The following KAZN variants were observed in gnomAD, a reference collection of about 807,000 sequenced individuals.
The protein encoded by KAZN is kazrin.
Under a neutral mutation model 87.4 loss-of-function variants are expected in KAZN, and 40 were observed. That is an observed-to-expected ratio of 0.46 (90% confidence interval 0.36 to 0.60). The LOEUF is 0.60. Among genes scored for constraint, KAZN ranks in the 20% least tolerant of loss-of-function variants. The probability of loss-of-function intolerance (pLI) is 0.00; values close to 1 mark genes in which losing one functional copy is unlikely to be tolerated. For synonymous variants in KAZN, 466 were observed against 458.3 expected, an observed-to-expected ratio of 1.02 and a Z score of -0.22; for missense variants, 898 against 1,073.9, an observed-to-expected ratio of 0.84 and a Z score of 2.29.
intron 1 of KAZN, among the ~76,000 whole-genome samples, chr1:13,992,204 T>C (rs12035550): frequency 0.15 from 22,907 of 152,184 alleles, 1,844 homozygotes; most frequent in Middle Eastern, 0.2. Context: ...CCCAAATACA[T>C]GGGCTGTGTC....
intron 1 of KAZN, among the ~76,000 whole-genome samples, chr1:14,785,290 G>A (rs906455872): frequency 2.6e-5 from 4 of 152,152 alleles, no homozygotes; most frequent in African/African-American, 9.7e-5. Context: ...CTTCCCTTGG[G>A]AACTTTGTCA....
In KAZN at chr1:15,021,521, C is replaced by T. The variant is rs1670664882; in HGVS notation, c.419-13228C>T. Among the ~76,000 whole-genome samples the T allele has an allele frequency of 6.6e-6, 1 of 152,212 alleles. No homozygotes were observed. Among genetic ancestry groups the T allele is most frequent in the Non-Finnish European group, 1.5e-5 (1 of 68,028 alleles). On this transcript the variant is annotated intron_variant, in intron 2 of 14. Coordinates refer to ENST00000376030, the MANE Select transcript of KAZN (RefSeq NM_201628.3). This position sits in a 1 kb window ranked among gnomAD's most constrained non-coding sequence, Gnocchi z 4.2. Reference sequence around the variant, plus strand: ...CTCCCATTTCCCTCCTGCTGGTATACCTTGGCCTCCTGTCTCCCTCGGGGA... The same window carrying T: ...CTCCCATTTCCCTCCTGCTGGTATATCTTGGCCTCCTGTCTCCCTCGGGGA...
At chr1:14,404,434 A>G (rs1219615355) in intron 2 of KAZN, among the ~76,000 whole-genome samples, 1 of 152,162 alleles carries the variant, frequency 6.6e-6, no homozygotes, top group African/African-American at 2.4e-5. Flanking sequence ...TGCCCTTACT[A>G]TCTGCCTAAA....
At chr1:14,819,776 C>T (rs932776017) in intron 1 of KAZN, among the ~76,000 whole-genome samples, 5 of 139,706 alleles carry the variant, frequency 3.6e-5, no homozygotes, top group African/African-American at 1.4e-4. Context: ...GGTACGGTAT[C>T]GGCTCATTGC....
At chr1:14,013,258 G>A (rs1238349428) in intron 1 of KAZN, among the ~76,000 whole-genome samples, 1 of 152,140 alleles carries the variant, frequency 6.6e-6, no homozygotes, top group East Asian at 1.9e-4. Context: ...AGAGTACCCT[G>A]TAAACTATTT....
chr1:14,668,633 G>A (rs1479860027), intron 1 of KAZN, among the ~76,000 whole-genome samples: 1 of 152,032 alleles, frequency 6.6e-6, no homozygotes, highest in Non-Finnish European at 1.5e-5. Flanking sequence ...TGTGAAGCAG[G>A]AGGTGTTGCC....
chr1:14,487,913 G>A lies in KAZN; in HGVS notation c.250-111070G>A, dbSNP rs575732600. ...GGAATGGGAGGCTTGGAACGGAGCA[G>A]TGATTCAGTTGGGATGTGCTGAGGG... On this transcript the variant is annotated intron_variant, in intron 2 of 16. Coordinates refer to the KAZN transcript ENST00000636203. Among the ~76,000 whole-genome samples, 192 of 152,300 alleles carry A rather than the reference G, an allele frequency of 1.3e-3. 3 individuals are homozygous for A. The highest frequency in any genetic ancestry group is 4.6e-3 in the African/African-American group (191 of 41,560).
At chr1:14,664,485 A>C (rs1368368799) in intron 1 of KAZN, among the ~76,000 whole-genome samples, 2 of 151,988 alleles carry the variant, frequency 1.3e-5, no homozygotes, top group East Asian at 3.9e-4. Context: ...TATTGGTTTG[A>C]CCAATCTTTT....
Position 14,230,951 on chromosome 1 carries a change from A to G in KAZN, c.249+50359A>G, listed in dbSNP as rs116417612. ...TCAGACAGGTTACTTCATCCTGGAA[A>G]CCTCTGCTTTGTCATCCTTAAAATG... On this transcript the variant is annotated intron_variant, in intron 2 of 16. Transcript: ENST00000636203. Among the ~76,000 whole-genome samples, 431 of 152,252 alleles carry G rather than the reference A, an allele frequency of 2.8e-3. 3 individuals are homozygous for G. The highest frequency in any genetic ancestry group is 0.01 in the African/African-American group (416 of 41,562).
At chr1:14,721,089 G>A (rs762480942) in intron 1 of KAZN, among the ~76,000 whole-genome samples, 2 of 152,222 alleles carry the variant, frequency 1.3e-5, no homozygotes. Flanking sequence ...CGGTGGTATT[G>A]ATGCTGCCTC....
At chr1:15,065,907 G>A in intron 8 of KAZN, 154 bp downstream of exon 8, 2 of 1,466,644 alleles carry the variant, frequency 1.4e-6, no homozygotes, top group East Asian at 5.1e-5. Context: ...GTGCACGTGT[G>A]CGCTGGCACA....
chr1:14,933,544 G>A (rs1419393816), intron 1 of KAZN, among the ~76,000 whole-genome samples: 1 of 148,238 alleles, frequency 6.7e-6, no homozygotes, highest in African/African-American at 2.7e-5. Flanking sequence ...CAGGTGCACT[G>A]GGAAGGTTTG....
chr1:15,110,345 T>C (rs1160752362), intron 13 of KAZN, among the ~76,000 whole-genome samples: 1 of 150,808 alleles, frequency 6.6e-6, no homozygotes, highest in South Asian at 2.1e-4. Flanking sequence ...TGTATATGTG[T>C]GTATGTTTGT....
intron 1 of KAZN, among the ~76,000 whole-genome samples, chr1:14,774,742 C>G (rs1006534069): frequency 6.6e-6 from 1 of 152,172 alleles, no homozygotes; most frequent in Admixed American, 6.5e-5. Context: ...ACCGTGGCCT[C>G]CCAAAGTGCT....
intron 1 of KAZN, among the ~76,000 whole-genome samples, chr1:14,069,582 G>A (rs1460321295): frequency 6.6e-6 from 1 of 152,176 alleles, no homozygotes; most frequent in African/African-American, 2.4e-5. Flanking sequence ...GGAAGATTTA[G>A]CTGGCTTTCT....
intron 8 of KAZN, among the ~76,000 whole-genome samples, chr1:15,068,511 G>T (rs1639363851): frequency 6.6e-6 from 1 of 152,080 alleles, no homozygotes; most frequent in East Asian, 1.9e-4. Flanking sequence ...AAAGGAGCCT[G>T]TGCTTTGGGG....
intron 1 of KAZN, among the ~76,000 whole-genome samples, chr1:14,177,012 G>T (rs1388804933): frequency 3.3e-5 from 5 of 152,078 alleles, no homozygotes; most frequent in African/African-American, 1.2e-4. Flanking sequence ...ACAAAAATTA[G>T]CTGGGTGTGG....
At chr1:14,546,956 C>T (rs1673185999) in intron 2 of KAZN, among the ~76,000 whole-genome samples, 1 of 152,152 alleles carries the variant, frequency 6.6e-6, no homozygotes, top group South Asian at 2.1e-4. Flanking sequence ...TCCTGTGCAC[C>T]TGGGAAAACA....
chr1:15,032,993 G>C (rs915440296), intron 2 of KAZN, among the ~76,000 whole-genome samples: 1 of 150,112 alleles, frequency 6.7e-6, no homozygotes, highest in Non-Finnish European at 1.5e-5. Flanking sequence ...GAAAATGAAT[G>C]GTTGTATCTA....
Sources: allele counts gnomAD v4.1 joint callset (sites outside exome capture counted in the v4.1 genomes callset), GRCh38; gene constraint gnomAD v4.1.1; non-coding constraint Gnocchi (gnomAD v3.1); transcripts MANE v1.5; gene names NCBI Gene and HGNC (gene_info 2026-07-23, HGNC 2026-07-21).